The following ZBED4 variants were observed in gnomAD, a reference collection of about 807,000 sequenced individuals.
ZBED4 encodes zinc finger BED-type containing 4.
In ZBED4, 4 loss-of-function variants were observed where a neutral mutation model predicts 15.5. The ratio of observed to expected loss-of-function variants is 0.26; its 90% CI spans 0.13 to 0.59. ZBED4 has a LOEUF of 0.59. Ranked by LOEUF, ZBED4 falls within the 20% of genes least tolerant of loss-of-function variation. ZBED4 has a pLI of 0.90. For missense variants in ZBED4, 1,323 were observed against 1,461.8 expected (o/e 0.91, Z 1.55); for synonymous variants, 692 against 608.5 (o/e 1.14, Z -2.02).
chr22:49,855,784 T>C (rs1300252678), intron 1 of ZBED4, among the ~76,000 whole-genome samples: 5 of 151,988 alleles, frequency 3.3e-5, no homozygotes. Context: ...GTGAAACAGC[T>C]GGGCGTGGCT....
In ZBED4 at chr22:49,887,398, T is replaced by C; in HGVS notation, c.*220T>C. 1 of 452,338 alleles carries C rather than the reference T, an allele frequency of 2.2e-6. No individual in the cohort carries two copies. Among genetic ancestry groups the C allele is most frequent in the Non-Finnish European group, 4.1e-6 (1 of 246,180 alleles). The allele number at this position is 452,338 out of a possible 1,614,324, so 28.0% of individuals were successfully genotyped here. On this transcript the variant is annotated 3_prime_UTR_variant, in exon 2 of 2. Coordinates refer to ENST00000216268, the MANE Select transcript of ZBED4 (RefSeq NM_014838.3). ...ATTAAGACGTCCACTAGAAATAGCT[T>C]GTCCTGTCAACTATGAAATATGGTG...
At position 49,887,242 on chromosome 22, in the gene ZBED4, T is replaced by G. The variant is rs947403601; in HGVS notation, c.*64T>G. 6.6e-7 allele frequency: 1 copy of G among 1,518,426 alleles called. No individual in the cohort carries two copies. Among genetic ancestry groups the G allele is most frequent in the Middle Eastern group, 1.9e-4 (1 of 5,150 alleles). The allele number at this position is 1,518,426 out of a possible 1,614,324, so 94.1% of individuals were successfully genotyped here. ...CCCAGCGTTAGCAGCCTGTACCAGG[T>G]CTATGACCCGCTCTGCCCACGGCTG... On this transcript the variant is annotated 3_prime_UTR_variant, in exon 2 of 2. Transcript: ENST00000216268.
intron 1 of ZBED4, among the ~76,000 whole-genome samples, chr22:49,854,787 G>T (rs2060267914): frequency 6.6e-6 from 1 of 152,144 alleles, no homozygotes; most frequent in African/African-American, 2.4e-5. Flanking sequence ...GCTTCTGTTG[G>T]TGTTCTCGTG....
At chr22:49,859,536 T>C (rs1601781345) in intron 1 of ZBED4, among the ~76,000 whole-genome samples, 1 of 152,158 alleles carries the variant, frequency 6.6e-6, no homozygotes, top group Middle Eastern at 3.4e-3. Context: ...GTCAGCTGCT[T>C]CTCCACAGCG....
In ZBED4 at chr22:49,883,501, C is replaced by G. The variant is rs1176896886; in HGVS notation, c.-162C>G. ...GCTGTAAGACCATGAGTCACAGATT[C>G]TTTTTTTCAGTACTATTTATGATTA... On this transcript the variant is annotated 5_prime_UTR_variant, in exon 2 of 2. Transcript: ENST00000216268. The G allele has an allele frequency of 6.9e-6, 7 of 1,019,214 alleles. No individual in the cohort carries two copies. In the South Asian group the frequency reaches 1.1e-4, roughly 17 times the overall value. The allele number at this position is 1,019,214 out of a possible 1,614,324, so 63.1% of individuals were successfully genotyped here.
intron 1 of ZBED4, among the ~76,000 whole-genome samples, chr22:49,869,604 C>A (rs1397348461): frequency 6.6e-6 from 1 of 152,154 alleles, no homozygotes; most frequent in Non-Finnish European, 1.5e-5. Context: ...TCCTGATTTA[C>A]ATTGTTTCTC....
intron 1 of ZBED4, among the ~76,000 whole-genome samples, chr22:49,876,812 G>A (rs146218525): frequency 6.6e-6 from 1 of 152,156 alleles, no homozygotes; most frequent in Non-Finnish European, 1.5e-5. Context: ...GTTTTTAGTA[G>A]TGGTATTTCC....
At chr22:49,874,325 T>A (rs1305218525) in intron 1 of ZBED4, among the ~76,000 whole-genome samples, 2 of 152,196 alleles carry the variant, frequency 1.3e-5, no homozygotes, top group Non-Finnish European at 2.9e-5. Flanking sequence ...TGTTGGCAAA[T>A]GTTTTTCTAC....
chr22:49,883,641 G>T lies in ZBED4; in HGVS notation c.-22G>T. On this transcript the variant is annotated 5_prime_UTR_variant, in exon 2 of 2. Coordinates refer to ENST00000216268, the MANE Select transcript of ZBED4 (RefSeq NM_014838.3). ...CAGTGTTTTATGAACCTAAGATACA[G>T]CCGGAGTAGTTATGGTCAGTCATGG... 1 of 1,524,434 alleles carries T rather than the reference G, an allele frequency of 6.6e-7. No homozygotes were observed. Among genetic ancestry groups the T allele is most frequent in the Non-Finnish European group, 8.9e-7 (1 of 1,128,772 alleles). 94.4% of individuals were successfully genotyped at this position (1,524,434 alleles called of 1,614,324 possible).
chr22:49,869,110 CAA>C (rs984589903), intron 1 of ZBED4, among the ~76,000 whole-genome samples: 2 of 115,300 alleles, frequency 1.7e-5, no homozygotes, highest in African/African-American at 7.8e-5. Context: ...GCAACAAGAG[CAA>C]AACTGTCTCA....
rs2060451514 is a variant in ZBED4, at chr22:49,888,438, A to G, written c.*1260A>G. On this transcript the variant is annotated 3_prime_UTR_variant, in exon 2 of 2. Coordinates refer to ENST00000216268, the MANE Select transcript of ZBED4 (RefSeq NM_014838.3). ...TCTGAAATTAAACTTCTTATTTGCA[A>G]TTTTCTAGTGCTGGCAGACACTGGC... The G allele has an allele frequency of 6.0e-6, 1 of 167,202 alleles. No individual in the cohort carries two copies. The highest frequency in any genetic ancestry group is 2.4e-5 in the African/African-American group (1 of 41,438). The allele number at this position is 167,202 out of a possible 1,614,324, so 10.4% of individuals were successfully genotyped here.
chr22:49,861,731 C>G (rs2060298041), intron 1 of ZBED4, among the ~76,000 whole-genome samples: 1 of 152,214 alleles, frequency 6.6e-6, no homozygotes, highest in African/African-American at 2.4e-5. Context: ...GCTGCCGTGG[C>G]TGGCCCCTGC....
chr22:49,862,254 G>A (rs919977842), intron 1 of ZBED4, among the ~76,000 whole-genome samples: 2 of 152,200 alleles, frequency 1.3e-5, no homozygotes, highest in Non-Finnish European at 2.9e-5. Flanking sequence ...CCGCAAAGTC[G>A]CTTGGAAGGT....
chr22:49,862,321 C>G (rs2060300874), intron 1 of ZBED4, among the ~76,000 whole-genome samples: 1 of 152,224 alleles, frequency 6.6e-6, no homozygotes, highest in Non-Finnish European at 1.5e-5. Flanking sequence ...TTTGCTGAGA[C>G]TGGAATTGAT....
chr22:49,855,414 C>T lies in ZBED4; in HGVS notation c.-330+1425C>T, dbSNP rs368145462. 7.2e-5 allele frequency among the ~76,000 whole-genome samples: 11 copies of T among 152,280 alleles called. No homozygotes were observed. In the East Asian group the frequency reaches 1.9e-3, roughly 27 times the overall value. On this transcript the variant is annotated intron_variant, in intron 1 of 1. Transcript: ENST00000216268. Reference sequence around the variant, plus strand: ...GATGTTGTTGGATGTAAAACCTCTGCTCTTTAAGGTTACCTCCTCCCCAAC... The same window carrying T: ...GATGTTGTTGGATGTAAAACCTCTGTTCTTTAAGGTTACCTCCTCCCCAAC...
intron 1 of ZBED4, among the ~76,000 whole-genome samples, chr22:49,854,594 AC>A (rs1331866149): frequency 2.0e-4 from 31 of 152,314 alleles, no homozygotes; most frequent in Non-Finnish European, 3.7e-4. Flanking sequence ...GTTTTCCTAC[AC>A]CCAAATGAGC....
At chr22:49,853,579 G>A (rs1036165167), upstream of ZBED4, among the ~76,000 whole-genome samples, 10 of 152,156 alleles carry the variant, frequency 6.6e-5, no homozygotes, top group South Asian at 2.1e-4. Flanking sequence ...AGCCCTTCCC[G>A]TCGCCCGCCA....
At position 49,887,451 on chromosome 22, in the gene ZBED4, T is replaced by G; in HGVS notation, c.*273T>G. 6.3e-6 allele frequency: 2 copies of G among 319,580 alleles called. No individual in the cohort carries two copies. The highest frequency in any genetic ancestry group is 5.2e-5 in the East Asian group (1 of 19,224). The allele number at this position is 319,580 out of a possible 1,614,324, so 19.8% of individuals were successfully genotyped here. A position where few individuals can be genotyped will look rare whatever the true frequency, so the allele number is the denominator to read the frequency against. ...TAGATTTTAATTCATAACCGTAAAG[T>G]TTTTTAAAGTTTTGGGTTAGTAATT... On this transcript the variant is annotated 3_prime_UTR_variant, in exon 2 of 2. Transcript: ENST00000216268.
At chr22:49,875,531 C>T (rs1299230636) in intron 1 of ZBED4, among the ~76,000 whole-genome samples, 1 of 151,864 alleles carries the variant, frequency 6.6e-6, no homozygotes, top group Non-Finnish European at 1.5e-5. Flanking sequence ...AGGGATTCTC[C>T]TGCCTCAGCC....
Sources: gnomAD v4.1 joint callset for allele counts (sites outside exome capture counted in the v4.1 genomes callset) on GRCh38, gnomAD v4.1.1 for gene constraint, MANE v1.5 for transcripts, NCBI Gene and HGNC (gene_info 2026-07-23, HGNC 2026-07-21) for gene names.